The following PCLO variants were observed in gnomAD, a reference collection of about 807,000 sequenced individuals.
PCLO encodes piccolo presynaptic cytomatrix protein.
PCLO carries 82 observed loss-of-function variants against 427.5 expected under a neutral mutation model. The ratio of observed to expected loss-of-function variants is 0.19; its 90% CI spans 0.16 to 0.23. The LOEUF is 0.23. PCLO is among the 10% of genes least tolerant of loss of function. PCLO has a pLI of 1.00. For missense variants in PCLO, 6,239 were observed against 6,115.9 expected (o/e 1.02, Z -0.67); for synonymous variants, 2,357 against 2,155.4 (o/e 1.09, Z -2.59).
intron 3 of PCLO, among the ~76,000 whole-genome samples, chr7:83,062,172 T>C (rs933140708): frequency 5.9e-5 from 9 of 152,152 alleles, no homozygotes; most frequent in African/African-American, 9.7e-5. Context: ...GAAAACCTTA[T>C]AATATACAAA....
At chr7:83,020,931 T>C (rs1325388364) in intron 3 of PCLO, among the ~76,000 whole-genome samples, 2 of 152,172 alleles carry the variant, frequency 1.3e-5, no homozygotes, top group Non-Finnish European at 2.9e-5. Context: ...AGATCCTACA[T>C]GATAGTTTCC....
intron 10 of PCLO, among the ~76,000 whole-genome samples, 181 bp from the exon 11 acceptor site, chr7:82,847,428 T>G (rs1792533248): frequency 2.0e-5 from 3 of 152,188 alleles, no homozygotes; most frequent in Admixed American, 1.3e-4. Flanking sequence ...TCTCATTAAC[T>G]TACCTGAACA....
chr7:83,110,282 A>G (rs771259097), intron 3 of PCLO, among the ~76,000 whole-genome samples: 2 of 152,050 alleles, frequency 1.3e-5, no homozygotes, highest in Non-Finnish European at 2.9e-5. Flanking sequence ...TTAAGATCCG[A>G]GAACACAGAT....
At chr7:82,813,355 TTC>T (rs757504574) in intron 20 of PCLO, among the ~76,000 whole-genome samples, 31 of 151,872 alleles carry the variant, frequency 2.0e-4, no homozygotes, top group Non-Finnish European at 2.8e-4. Flanking sequence ...AAAAAATACT[TTC>T]TGTCTATATA....
intron 18 of PCLO, among the ~76,000 whole-genome samples, chr7:82,826,191 T>C (rs1791939720): frequency 6.6e-6 from 1 of 151,940 alleles, no homozygotes. Flanking sequence ...GTGATTTTTC[T>C]CAGAATACTT....
At chr7:83,159,173 T>A (rs1406225738) in intron 1 of PCLO, among the ~76,000 whole-genome samples, 1 of 152,100 alleles carries the variant, frequency 6.6e-6, no homozygotes, top group Non-Finnish European at 1.5e-5. Context: ...ATATCATGTA[T>A]TCGTTTTACT....
At chr7:83,001,376 C>T (rs972462018) in intron 3 of PCLO, among the ~76,000 whole-genome samples, 1 of 151,742 alleles carries the variant, frequency 6.6e-6, no homozygotes, top group African/African-American at 2.4e-5. Context: ...TAATTTCTTG[C>T]ATAAACAGAA....
intron 3 of PCLO, among the ~76,000 whole-genome samples, chr7:82,995,713 C>T (rs1338172599): frequency 6.6e-6 from 1 of 151,822 alleles, no homozygotes; most frequent in South Asian, 2.1e-4. Context: ...ACTAAGTTAC[C>T]CATTTTTTTC....
chr7:83,120,104 G>C (rs1791237673), intron 3 of PCLO, among the ~76,000 whole-genome samples: 1 of 151,956 alleles, frequency 6.6e-6, no homozygotes, highest in African/African-American at 2.4e-5. Flanking sequence ...GATCAGAATA[G>C]AAAGTTTATT....
At chr7:82,821,665 C>T (rs192693265) in intron 20 of PCLO, 107 of 971,232 alleles carry the variant, frequency 1.1e-4, no homozygotes, top group Admixed American at 6.8e-4. Flanking sequence ...AATTGTTATA[C>T]TTTGATTGAC....
intron 3 of PCLO, among the ~76,000 whole-genome samples, chr7:83,120,409 A>AAC (rs1356185143): frequency 1.3e-5 from 2 of 151,348 alleles, no homozygotes; most frequent in African/African-American, 4.9e-5. Flanking sequence ...TCAGAAAAAA[A>AAC]AAAAAAAAAA....
intron 21 of PCLO, among the ~76,000 whole-genome samples, chr7:82,804,849 A>G (rs1562793919): frequency 6.6e-6 from 1 of 152,184 alleles, no homozygotes; most frequent in African/African-American, 2.4e-5. Flanking sequence ...CAGGTCTTAG[A>G]AAACCAGGTG....
chr7:83,125,233 A>G (rs1380827365), intron 3 of PCLO, among the ~76,000 whole-genome samples: 1 of 150,194 alleles, frequency 6.7e-6, no homozygotes, highest in Non-Finnish European at 1.5e-5. Context: ...GGATGTGAGG[A>G]GTGCCTCTGC....
intron 6 of PCLO, 53 bp from the exon 7 acceptor site, chr7:82,916,926 C>G: frequency 1.7e-6 from 2 of 1,164,286 alleles, no homozygotes; most frequent in Non-Finnish European, 2.4e-6. Flanking sequence ...AAATAAAAAC[C>G]AAATCTACTT....
At chr7:82,891,327 GGA>G (rs2116120706) in intron 9 of PCLO, among the ~76,000 whole-genome samples, 1 of 152,150 alleles carries the variant, frequency 6.6e-6, no homozygotes, top group Admixed American at 6.6e-5. Context: ...ATGAAGGCAA[GGA>G]GAGGTAAGAA....
chr7:82,953,122 T>C lies in PCLO; in HGVS notation c.7831A>G (p.Lys2611Glu), dbSNP rs1795402952. The C allele has an allele frequency of 6.2e-7, 1 of 1,613,770 alleles. No homozygotes were observed. The highest frequency in any genetic ancestry group is 1.3e-5 in the African/African-American group (1 of 74,888). The change falls in exon 5 of 25, where the codon AAA becomes GAA. Residue 2611 changes from lysine to glutamate, a missense_variant. By Grantham distance (56) the Lys-to-Glu change is moderately conservative. Transcript: ENST00000333891. ...ITSWPLGSPS[K>E]DLVSVEPVFS... ...ACAGGTTCAACAGAAACCAGATCTT[T>C]GGAGGGTGATCCCAAGGGCCAACTG... is the stretch of plus-strand genomic sequence containing the variant.
chr7:83,162,200 A>T, intron 1 of PCLO, 145 bp downstream of exon 1: 2 of 808,036 alleles, frequency 2.5e-6, no homozygotes, highest in Non-Finnish European at 3.8e-6. Flanking sequence ...AAGGCTTAGG[A>T]TCTCTCTATG....
chr7:83,059,380 A>AT (rs33911766), intron 3 of PCLO, among the ~76,000 whole-genome samples: 31,394 of 80,454 alleles, frequency 0.39, 4,600 homozygotes, highest in South Asian at 0.47. Flanking sequence ...ATATATATAT[A>AT]AAAATGAAAA....
At chr7:82,840,448 T>G (rs991168128) in intron 14 of PCLO, among the ~76,000 whole-genome samples, 5 of 152,106 alleles carry the variant, frequency 3.3e-5, no homozygotes, top group African/African-American at 1.2e-4. Context: ...TTATTACACA[T>G]TCTTTTCAAA....
Sources: allele counts gnomAD v4.1 joint callset (sites outside exome capture counted in the v4.1 genomes callset), GRCh38; gene constraint gnomAD v4.1.1; transcripts MANE v1.5; gene names NCBI Gene and HGNC (gene_info 2026-07-23, HGNC 2026-07-21).